Variants in CR1 observed in about 807,000 individuals in gnomAD.
CR1 encodes the protein complement receptor type 1.
In CR1, 116 loss-of-function variants were observed where a neutral mutation model predicts 187.3. The ratio of observed to expected loss-of-function variants is 0.62; its 90% confidence interval spans 0.53 to 0.72. The LOEUF is 0.72. Ranked by LOEUF, CR1 falls within the 30% of genes least tolerant of loss-of-function variation. CR1 has a pLI of 0.00. For missense variants in CR1, 1,731 were observed against 2,110.7 expected (o/e 0.82, Z 3.52); for synonymous variants, 576 against 747.1 (o/e 0.77, Z 3.73).
intron 33 of CR1, among the ~76,000 whole-genome samples, chr1:207,585,259 G>T (rs748274229): frequency 6.6e-6 from 1 of 152,182 alleles, no homozygotes; most frequent in Non-Finnish European, 1.5e-5. Flanking sequence ...TTCATGAGGG[G>T]TACATGGGCA....
chr1:207,616,514 ATTGTT>A, intron 40 of CR1, 56 bp from the exon 41 acceptor site: 1 of 1,554,272 alleles, frequency 6.4e-7, no homozygotes, highest in Non-Finnish European at 8.8e-7. Flanking sequence ...ACAGGTCACT[ATTGTT>A]TCAGTCATCT....
intron 35 of CR1, among the ~76,000 whole-genome samples, chr1:207,596,403 C>A (rs1048602542): frequency 1.3e-5 from 2 of 152,074 alleles, no homozygotes; most frequent in Non-Finnish European, 2.9e-5. Flanking sequence ...CACCTGAGGT[C>A]GGGAGTTCAA....
chr1:207,616,389 G>A (rs1260372480), intron 40 of CR1, among the ~76,000 whole-genome samples, 186 bp from the exon 41 acceptor site: 1 of 152,182 alleles, frequency 6.6e-6, no homozygotes, highest in Non-Finnish European at 1.5e-5. Context: ...GCAATAAACT[G>A]TAATTTAGGT....
intron 1 of CR1, among the ~76,000 whole-genome samples, chr1:207,504,659 CT>C (rs1023565733): frequency 1.2e-4 from 18 of 152,148 alleles, no homozygotes; most frequent in Middle Eastern, 3.4e-3. Flanking sequence ...TACTGATTAA[CT>C]AAATTTTGAA....
chr1:207,630,812 A>G (rs1434603129), intron 46 of CR1, among the ~76,000 whole-genome samples, 191 bp downstream of exon 46: 1 of 151,788 alleles, frequency 6.6e-6, no homozygotes, highest in Non-Finnish European at 1.5e-5. Flanking sequence ...TGGGGTGATG[A>G]CTCTATAAGT....
intron 46 of CR1, among the ~76,000 whole-genome samples, chr1:207,632,224 T>C (rs1662666246): frequency 6.6e-6 from 1 of 152,216 alleles, no homozygotes; most frequent in Non-Finnish European, 1.5e-5. Context: ...TTTTTTAAAA[T>C]TCAGAATTGA....
At chr1:207,582,956 G>A (rs1364894985) in intron 32 of CR1, among the ~76,000 whole-genome samples, 1 of 152,186 alleles carries the variant, frequency 6.6e-6, no homozygotes, top group Non-Finnish European at 1.5e-5. Flanking sequence ...TAGATATCCA[G>A]ATGGATATGT....
intron 33 of CR1, among the ~76,000 whole-genome samples, chr1:207,585,263 A>G (rs983886763): frequency 9.2e-5 from 14 of 152,244 alleles, no homozygotes; most frequent in African/African-American, 3.1e-4. Flanking sequence ...TGAGGGGTAC[A>G]TGGGCATGCA....
At chr1:207,515,035 A>G (rs1410022328) in intron 4 of CR1, among the ~76,000 whole-genome samples, 5 of 147,278 alleles carry the variant, frequency 3.4e-5, no homozygotes, top group East Asian at 2.0e-4. Flanking sequence ...ACATATATAC[A>G]TATATACTTA....
At chr1:207,505,275 T>A (rs538266439) in intron 1 of CR1, among the ~76,000 whole-genome samples, 17 of 152,240 alleles carry the variant, frequency 1.1e-4, no homozygotes, top group African/African-American at 4.1e-4. Flanking sequence ...TGCCTCAGCC[T>A]CCCAAGTAGC....
At chr1:207,627,210 T>C (rs1408078) in intron 45 of CR1, among the ~76,000 whole-genome samples, 127,923 of 152,098 alleles carry the variant, frequency 0.84, 54,153 homozygotes, top group African/African-American at 0.91. Context: ...CCCACATTCC[T>C]AGTCTCTCTT....
intron 29 of CR1, among the ~76,000 whole-genome samples, chr1:207,578,922 A>T (rs780250798): frequency 1.3e-5 from 2 of 152,242 alleles, no homozygotes; most frequent in Non-Finnish European, 2.9e-5. Flanking sequence ...AGGCTGAAGT[A>T]CAGTGATACA....
At chr1:207,500,213 A>G (rs1222102973) in intron 1 of CR1, among the ~76,000 whole-genome samples, 1 of 152,272 alleles carries the variant, frequency 6.6e-6, no homozygotes, top group African/African-American at 2.4e-5. Flanking sequence ...GATGATTAAC[A>G]AAGCATTTAA....
At chr1:207,574,155 A>G (rs148806890) in intron 27 of CR1, among the ~76,000 whole-genome samples, 3,172 of 152,210 alleles carry the variant, frequency 0.021, 98 homozygotes, top group African/African-American at 0.072. Context: ...GAGAAGACAT[A>G]TGTAACACAG....
intron 35 of CR1, among the ~76,000 whole-genome samples, chr1:207,597,083 A>G (rs11118135): frequency 0.2 from 30,079 of 149,094 alleles, 3,333 homozygotes; most frequent in South Asian, 0.44. Context: ...ATGATATACA[A>G]TATTTAAATA....
chr1:207,504,680 T>G (rs138311270), intron 1 of CR1, among the ~76,000 whole-genome samples: 70 of 152,346 alleles, frequency 4.6e-4, no homozygotes, highest in Non-Finnish European at 8.2e-4. Flanking sequence ...AGCTGTGAAA[T>G]GCACCTTATC....
chr1:207,619,843 TAA>T, intron 42 of CR1, 35 bp from the exon 43 acceptor site: 1 of 1,527,920 alleles, frequency 6.5e-7, no homozygotes, highest in Non-Finnish European at 8.8e-7. Context: ...CAATCAACAA[TAA>T]AATATCAATT....
At chr1:207,574,513 G>T (rs866253299) in intron 27 of CR1, among the ~76,000 whole-genome samples, 1 of 151,954 alleles carries the variant, frequency 6.6e-6, no homozygotes, top group South Asian at 2.1e-4. Context: ...GGAGAATGAT[G>T]AATTCCAAAG....
chr1:207,592,049 AT>A (rs1315779055), intron 35 of CR1, among the ~76,000 whole-genome samples: 1 of 152,182 alleles, frequency 6.6e-6, no homozygotes, highest in East Asian at 1.9e-4. Context: ...CTTCTAAACT[AT>A]TCCAAACAAT....
Sources: gnomAD v4.1 joint callset for allele counts (sites outside exome capture counted in the v4.1 genomes callset) on GRCh38, gnomAD v4.1.1 for gene constraint, MANE v1.5 for transcripts, NCBI Gene and HGNC (gene_info 2026-07-23, HGNC 2026-07-21) for gene names.